The following STPG2 variants were observed in gnomAD, a reference collection of about 807,000 sequenced individuals.
STPG2 encodes the protein sperm-tail PG-rich repeat-containing protein 2.
In STPG2, 56 loss-of-function variants were observed where a neutral mutation model predicts 54.2. That is an observed-to-expected ratio of 1.03 (90% CI 0.83 to 1.29). STPG2 has a LOEUF of 1.29. Among genes scored for constraint, STPG2 ranks in the 50% most tolerant of loss-of-function variants. The pLI, the probability that STPG2 is intolerant of heterozygous loss-of-function variation, is 0.00. For missense variants in STPG2, 596 were observed against 544.9 expected, an observed-to-expected ratio of 1.09 and a Z score of -0.93; for synonymous variants, 200 against 181.8, an observed-to-expected ratio of 1.10 and a Z score of -0.81.
At chr4:97,833,835 G>A (rs1015243731) in intron 9 of STPG2, among the ~76,000 whole-genome samples, 2 of 152,138 alleles carry the variant, frequency 1.3e-5, no homozygotes, top group Non-Finnish European at 2.9e-5. Flanking sequence ...AGTTAGAATG[G>A]TGATGATTAA....
At chr4:97,860,586 G>A (rs1053339783) in intron 8 of STPG2, among the ~76,000 whole-genome samples, 1 of 151,488 alleles carries the variant, frequency 6.6e-6, no homozygotes, top group African/African-American at 2.4e-5. Context: ...CTTGGTCACT[G>A]TTGATGTAGA....
intron 8 of STPG2, among the ~76,000 whole-genome samples, chr4:97,894,479 G>A (rs1339006392): frequency 6.6e-6 from 1 of 151,850 alleles, no homozygotes; most frequent in Admixed American, 6.6e-5. Flanking sequence ...AATTCCTTCT[G>A]TCTACTTTGG....
rs1177117584 is a variant in STPG2 at position 98,025,697 on chromosome 4, C to T, written c.613-44379G>A. ...TGCAGCGTATTGTACTGGCCTCCTG[C>T]TGGCCTGCAGGCTACTCAATAGGTT... On this transcript the variant is annotated intron_variant, in intron 5 of 10. Transcript: ENST00000295268. 14 of 1,299,260 alleles carry T rather than the reference C, an allele frequency of 1.1e-5. No individual in the cohort carries two copies. In the East Asian group the frequency reaches 3.2e-4, roughly 30 times the overall value. The allele number at this position is 1,299,260 out of a possible 1,614,324, so 80.5% of individuals were successfully genotyped here. A position where few individuals can be genotyped will look rare whatever the true frequency, so the allele number is the denominator to read the frequency against.
chr4:98,097,700 G>A (rs921338020), intron 5 of STPG2, among the ~76,000 whole-genome samples: 5 of 152,054 alleles, frequency 3.3e-5, no homozygotes, highest in South Asian at 2.1e-4. Context: ...CTTGTTTGCC[G>A]ATATGATCTT....
chr4:98,099,585 A>G (rs943670093), intron 5 of STPG2, among the ~76,000 whole-genome samples: 5 of 152,204 alleles, frequency 3.3e-5, no homozygotes, highest in Non-Finnish European at 5.9e-5. Flanking sequence ...AGAGTCAATA[A>G]TAACTTAATT....
intron 10 of STPG2, among the ~76,000 whole-genome samples, chr4:97,664,736 G>A (rs1173742951): frequency 3.3e-5 from 5 of 151,940 alleles, no homozygotes; most frequent in Non-Finnish European, 5.9e-5. Context: ...GTTATGTCAC[G>A]GGATCCTTGG....
At chr4:98,000,699 G>C (rs1735386939) in intron 5 of STPG2, among the ~76,000 whole-genome samples, 1 of 152,050 alleles carries the variant, frequency 6.6e-6, no homozygotes, top group Non-Finnish European at 1.5e-5. Context: ...AAAACTCTAA[G>C]TAAAAATAAA....
At chr4:97,996,229 G>A (rs1735204187) in intron 5 of STPG2, among the ~76,000 whole-genome samples, 2 of 152,144 alleles carry the variant, frequency 1.3e-5, no homozygotes, top group Admixed American at 6.5e-5. Flanking sequence ...GCATGGTACT[G>A]GTACAGAAGC....
rs563922861 is a variant in STPG2 at position 97,846,293 on chromosome 4, G to A, written c.1045-5361C>T. ...GAAAACACTGAAGGGTGGAATATAC[G>A]GGAAAGAAGGGAAAAGGAACTTCAG... On this transcript the variant is annotated intron_variant, in intron 8 of 10. Coordinates refer to ENST00000295268, the MANE Select transcript of STPG2 (RefSeq NM_174952.3). Among the ~76,000 whole-genome samples, 7 of 152,004 alleles carry A rather than the reference G, an allele frequency of 4.6e-5. No homozygotes were observed. The South Asian group carries it at 8.3e-4, about 18-fold the overall frequency.
chr4:97,760,681 T>A (rs1725864610), intron 9 of STPG2, among the ~76,000 whole-genome samples: 1 of 152,186 alleles, frequency 6.6e-6, no homozygotes, highest in South Asian at 2.1e-4. Context: ...CTCAAATCCT[T>A]ACTGTCTATG....
chr4:98,077,583 A>G (rs1039184094), intron 5 of STPG2, among the ~76,000 whole-genome samples: 1 of 152,182 alleles, frequency 6.6e-6, no homozygotes, highest in Non-Finnish European at 1.5e-5. Context: ...AAAAAGTTTG[A>G]GAATTAGTGC....
At chr4:97,992,815 G>T (rs1044510370) in intron 5 of STPG2, among the ~76,000 whole-genome samples, 5 of 151,922 alleles carry the variant, frequency 3.3e-5, no homozygotes, top group African/African-American at 1.2e-4. Context: ...CACCTCCTTA[G>T]TTAAGTATAT....
chr4:97,868,647 C>T (rs1375110847), intron 8 of STPG2, among the ~76,000 whole-genome samples: 1 of 151,790 alleles, frequency 6.6e-6, no homozygotes, highest in East Asian at 1.9e-4. Flanking sequence ...TACTCCTTTA[C>T]ATTTTCTGGG....
chr4:97,954,934 C>T (rs13107469), intron 7 of STPG2, among the ~76,000 whole-genome samples: 39,901 of 151,760 alleles, frequency 0.26, 5,703 homozygotes, highest in Middle Eastern at 0.36. Context: ...CAGACAAGAA[C>T]TTTTTTAAAA....
chr4:97,819,087 A>C (rs1728005208), intron 9 of STPG2, among the ~76,000 whole-genome samples: 2 of 151,556 alleles, frequency 1.3e-5, no homozygotes, highest in Admixed American at 6.6e-5. Context: ...ATTTCGAATA[A>C]AGATATAGAA....
At chr4:97,801,442 A>G (rs1272083574) in intron 9 of STPG2, among the ~76,000 whole-genome samples, 1 of 152,078 alleles carries the variant, frequency 6.6e-6, no homozygotes, top group Non-Finnish European at 1.5e-5. Context: ...CTACTATCAC[A>G]TCATTCTCAA....
At chr4:97,793,396 C>G (rs1180147847) in intron 9 of STPG2, among the ~76,000 whole-genome samples, 22 of 150,840 alleles carry the variant, frequency 1.5e-4, no homozygotes, top group Non-Finnish European at 8.9e-5. Flanking sequence ...CACACACACA[C>G]ACACACAGAG....
chr4:98,131,451 C>A (rs1297520079), intron 2 of STPG2, among the ~76,000 whole-genome samples: 1 of 152,074 alleles, frequency 6.6e-6, no homozygotes, highest in Non-Finnish European at 1.5e-5. Flanking sequence ...TTTACTTTGT[C>A]CCCACACACG....
intron 4 of STPG2, among the ~76,000 whole-genome samples, chr4:97,502,031 A>G (rs941363835): frequency 4.6e-5 from 7 of 152,050 alleles, no homozygotes; most frequent in Non-Finnish European, 7.4e-5. Context: ...CAAAGCAAAT[A>G]TAGGAAATTC....
Sources: allele counts gnomAD v4.1 joint callset (sites outside exome capture counted in the v4.1 genomes callset), GRCh38; gene constraint gnomAD v4.1.1; transcripts MANE v1.5; gene names NCBI Gene and HGNC (gene_info 2026-07-23, HGNC 2026-07-21).